Variants in PRKDC observed in about 807,000 individuals in gnomAD.
The protein encoded by PRKDC is DNA-dependent protein kinase catalytic subunit.
PRKDC carries 82 observed loss-of-function variants against 486.9 expected under a neutral mutation model. The observed-to-expected ratio is 0.17, with a 90% CI of 0.14 to 0.20. PRKDC has a LOEUF of 0.20. Among genes scored for constraint, PRKDC ranks in the 10% least tolerant of loss-of-function variants. PRKDC has a pLI of 1.00. For missense variants in PRKDC, 4,504 were observed against 5,038.2 expected, an observed-to-expected ratio of 0.89 and a Z score of 3.21; for synonymous variants, 1,895 against 1,837.0, an observed-to-expected ratio of 1.03 and a Z score of -0.81.
intron 58 of PRKDC, among the ~76,000 whole-genome samples, chr8:47,835,177 C>A (rs1357899979): frequency 6.6e-6 from 1 of 152,164 alleles, no homozygotes; most frequent in Non-Finnish European, 1.5e-5. Flanking sequence ...GTTAAACCAT[C>A]TGAGAAAGAA....
At chr8:47,896,418 C>G (rs560807944) in intron 30 of PRKDC, among the ~76,000 whole-genome samples, 22 of 152,100 alleles carry the variant, frequency 1.4e-4, no homozygotes, top group African/African-American at 5.1e-4. Context: ...GAGGCCAAGG[C>G]GGGTGGATCA....
intron 68 of PRKDC, among the ~76,000 whole-genome samples, chr8:47,811,771 G>A (rs1429691003): frequency 6.6e-6 from 1 of 152,176 alleles, no homozygotes; most frequent in Non-Finnish European, 1.5e-5. Context: ...AAGGTCAGGA[G>A]TTCGAGACCA....
At chr8:47,791,269 G>A (rs1460544972) in intron 74 of PRKDC, among the ~76,000 whole-genome samples, 3 of 152,154 alleles carry the variant, frequency 2.0e-5, no homozygotes, top group Non-Finnish European at 4.4e-5. Flanking sequence ...GAGGTCAGGC[G>A]TTCGAGACCA....
At chr8:47,804,208 T>A (rs546929152) in intron 69 of PRKDC, among the ~76,000 whole-genome samples, 40 of 152,306 alleles carry the variant, frequency 2.6e-4, no homozygotes, top group African/African-American at 9.1e-4. Flanking sequence ...CTTAGCATGA[T>A]GTTTTCTAGG....
At chr8:47,934,671 A>T in intron 14 of PRKDC, among the ~76,000 whole-genome samples, 1 of 152,246 alleles carries the variant, frequency 6.6e-6, no homozygotes, top group East Asian at 1.9e-4. Context: ...TTTCGTACAT[A>T]GTTCAATCTT....
chr8:47,839,064 C>G, intron 56 of PRKDC, 84 bp downstream of exon 56: 1 of 1,068,578 alleles, frequency 9.4e-7, no homozygotes, highest in Non-Finnish European at 1.4e-6. Context: ...AAATACATTT[C>G]TAAAACTCCT....
At chr8:47,933,820 G>T in intron 15 of PRKDC, 145 bp downstream of exon 15, 3 of 830,482 alleles carry the variant, frequency 3.6e-6, no homozygotes, top group Admixed American at 3.6e-5. Flanking sequence ...TGATTCATAC[G>T]GTTTTAATTT....
chr8:47,782,628 A>G lies in PRKDC; in HGVS notation c.11176-30T>C. On this transcript the variant is annotated intron_variant, in intron 78 of 85. Coordinates refer to ENST00000314191, the MANE Select transcript of PRKDC (RefSeq NM_006904.7). This position sits in a 1 kb window ranked among gnomAD's most constrained non-coding sequence, Gnocchi z 4.9. ...AAAAATCAGAATGTCATCTCAGGGC[A>G]CAGGCTAGCCACGTGTCAAACTCAG... is the stretch of plus-strand genomic sequence containing the variant. The G allele has an allele frequency of 6.5e-7, 1 of 1,547,560 alleles. No homozygotes were observed. The highest frequency in any genetic ancestry group is 8.7e-7 in the Non-Finnish European group (1 of 1,145,702).
chr8:47,829,939 T>C (rs945436344), intron 61 of PRKDC, among the ~76,000 whole-genome samples: 2 of 152,116 alleles, frequency 1.3e-5, no homozygotes, highest in African/African-American at 4.8e-5. Flanking sequence ...CTAAAATTCA[T>C]ATGGAACCAA....
In PRKDC at chr8:47,872,203, T is replaced by C. The variant is rs149011406; in HGVS notation, c.5363+5521A>G. ...CTCATGTGTTTGTTTATCCAATCAG[T>C]GTTCCGCTGTCAGCAGTTTAAAATG... On this transcript the variant is annotated intron_variant, in intron 40 of 85. Transcript: ENST00000314191. Among the ~76,000 whole-genome samples, 159 of 152,316 alleles carry C rather than the reference T, an allele frequency of 1.0e-3. 1 individual carries two copies. The highest frequency in any genetic ancestry group is 3.7e-3 in the African/African-American group (154 of 41,568).
At chr8:47,839,748 G>A (rs2088102717) in intron 55 of PRKDC, among the ~76,000 whole-genome samples, 1 of 152,090 alleles carries the variant, frequency 6.6e-6, no homozygotes, top group African/African-American at 2.4e-5. Flanking sequence ...TTGCTAAGGG[G>A]ACCCAAATGA....
intron 84 of PRKDC, 55 bp from the exon 85 acceptor site, chr8:47,777,038 G>A: frequency 6.5e-7 from 1 of 1,546,450 alleles, no homozygotes; most frequent in Non-Finnish European, 8.7e-7. Flanking sequence ...ATACAATCAT[G>A]CCCAAACAGA....
intron 7 of PRKDC, among the ~76,000 whole-genome samples, chr8:47,945,046 AAG>A (rs1448284943): frequency 6.6e-5 from 10 of 152,206 alleles, no homozygotes; most frequent in African/African-American, 2.2e-4. Context: ...AGTTGGGGAA[AAG>A]GTCATTCAGA....
intron 5 of PRKDC, 112 bp from the exon 6 acceptor site, chr8:47,954,031 A>C (rs1186733449): frequency 3.4e-5 from 21 of 616,824 alleles, no homozygotes; most frequent in Non-Finnish European, 5.1e-5. Context: ...TTGATTTTAC[A>C]GTAAGAGATA....
intron 10 of PRKDC, among the ~76,000 whole-genome samples, chr8:47,942,031 G>C (rs1415839075): frequency 6.6e-6 from 1 of 152,188 alleles, no homozygotes. Flanking sequence ...TGCTAGGAAA[G>C]GCAGGCATCG....
chr8:47,942,970 T>G lies in PRKDC; in HGVS notation c.966+239A>C, dbSNP rs141497146. 5.9e-3 allele frequency among the ~76,000 whole-genome samples: 905 copies of G among 152,310 alleles called. 8 individuals are homozygous for G. Among genetic ancestry groups the G allele is most frequent in the African/African-American group, 0.02 (850 of 41,574 alleles). ...TTCCGGCCATCACCTCACCACGTCT[T>G]TGCTCCATTACACTTGTCTCAATCT... On this transcript the variant is annotated intron_variant, in intron 10 of 85. Coordinates refer to ENST00000314191, the MANE Select transcript of PRKDC (RefSeq NM_006904.7).
In PRKDC at chr8:47,826,825, C is replaced by T. The variant is rs1436069671; in HGVS notation, c.8614G>A (p.Asp2872Asn). Residue 2872 changes from aspartate to asparagine, a missense_variant, in exon 63 of 86, where the codon GAC (aspartate) becomes AAC (asparagine). Asp to Asn is a conservative substitution (Grantham distance 23). Transcript: ENST00000314191. ...SCQHAALLSL[D>N]PAAVSAGCLA... ...CAACCAGCGCTAACAGCCGCTGGGTCGAGGCTCAGCAGGGCTGCGTGCTGA... is the reference window on the plus strand; with the variant it reads ...CAACCAGCGCTAACAGCCGCTGGGTTGAGGCTCAGCAGGGCTGCGTGCTGA... The T allele has an allele frequency of 3.1e-6, 5 of 1,600,718 alleles. No individual in the cohort carries two copies. The highest frequency in any genetic ancestry group is 2.2e-5 in the South Asian group (2 of 89,322).
At chr8:47,811,977 CA>C (rs1017391807) in intron 68 of PRKDC, among the ~76,000 whole-genome samples, 10 of 150,766 alleles carry the variant, frequency 6.6e-5, no homozygotes, top group Admixed American at 6.6e-4. Context: ...AATTCCATCA[CA>C]AAAAAAAAGT....
chr8:47,914,981 T>C (rs2089963876), intron 23 of PRKDC, among the ~76,000 whole-genome samples: 1 of 152,078 alleles, frequency 6.6e-6, no homozygotes, highest in Non-Finnish European at 1.5e-5. Context: ...TAATTCTCAT[T>C]TGGAAAAATT....
Sources: allele counts gnomAD v4.1 joint callset (sites outside exome capture counted in the v4.1 genomes callset), GRCh38; gene constraint gnomAD v4.1.1; non-coding constraint Gnocchi (gnomAD v3.1); transcripts MANE v1.5; gene names NCBI Gene and HGNC (gene_info 2026-07-23, HGNC 2026-07-21).